Variants in CEP112 observed in about 807,000 individuals in gnomAD.
The protein encoded by CEP112 is centrosomal protein of 112 kDa.
In CEP112, 127 loss-of-function variants were observed where a neutral mutation model predicts 153.0. The ratio of observed to expected loss-of-function variants is 0.83; its 90% CI spans 0.72 to 0.96. The LOEUF (loss-of-function observed/expected upper bound fraction) is 0.96, where lower values mean the gene tolerates loss of function less well. CEP112 is among the 40% of genes least tolerant of loss of function. CEP112 has a pLI of 0.00. For missense variants in CEP112, 1,089 were observed against 1,101.2 expected (o/e 0.99, Z 0.16); for synonymous variants, 358 against 374.4 (o/e 0.96, Z 0.51).
intron 21 of CEP112, among the ~76,000 whole-genome samples, chr17:65,780,026 G>T (rs760362625): frequency 2.6e-4 from 40 of 152,036 alleles, no homozygotes; most frequent in Admixed American, 5.2e-4. Flanking sequence ...TCCTATTTCT[G>T]AATATGTCTA....
chr17:65,891,741 C>G (rs1464009730), intron 20 of CEP112, among the ~76,000 whole-genome samples: 1 of 152,158 alleles, frequency 6.6e-6, no homozygotes, highest in Non-Finnish European at 1.5e-5. Context: ...TCTGCTACTC[C>G]CTGCCCCCTT....
rs567048300 is a variant in CEP112, at chr17:65,635,965, G to A, written c.*6C>T. The A allele has an allele frequency of 4.4e-6, 7 of 1,600,192 alleles. No homozygotes were observed. The highest frequency in any genetic ancestry group is 1.3e-5 in the African/African-American group (1 of 74,938). On this transcript the variant is annotated 3_prime_UTR_variant, in exon 27 of 27. Transcript: ENST00000535342. ...GAAATTGCATCCGTTGCATTCTCTC[G>A]TGCAGTTACCTGTAAACCAAAAATC...
intron 12 of CEP112, among the ~76,000 whole-genome samples, chr17:66,048,201 G>T (rs1353974294): frequency 6.6e-6 from 1 of 151,912 alleles, no homozygotes; most frequent in African/African-American, 2.4e-5. Flanking sequence ...TAAAAGGAAA[G>T]GGCCCAGAAT....
chr17:66,002,206 G>A (rs996448693), intron 17 of CEP112, among the ~76,000 whole-genome samples: 1 of 122,238 alleles, frequency 8.2e-6, no homozygotes, highest in African/African-American at 2.6e-5. Context: ...CAATTGCTTG[G>A]AGAGAGTATA....
At chr17:66,131,723 G>T (rs1007309448) in intron 5 of CEP112, among the ~76,000 whole-genome samples, 23 of 151,970 alleles carry the variant, frequency 1.5e-4, no homozygotes, top group Admixed American at 9.2e-4. Context: ...CTCCAGCCTG[G>T]GCGACAGAGC....
intron 16 of CEP112, among the ~76,000 whole-genome samples, chr17:66,010,505 AGTG>A (rs1465637023): frequency 6.6e-6 from 1 of 152,040 alleles, no homozygotes; most frequent in African/African-American, 2.4e-5. Context: ...GTTAAATAGG[AGTG>A]GTGAAAGAGG....
At chr17:65,669,856 T>C (rs2046889123) in intron 24 of CEP112, among the ~76,000 whole-genome samples, 1 of 147,106 alleles carries the variant, frequency 6.8e-6, no homozygotes, top group African/African-American at 2.5e-5. Context: ...TGAGCCGAGA[T>C]CGCGCCACTG....
chr17:66,039,055 T>C (rs557857583), intron 12 of CEP112, among the ~76,000 whole-genome samples: 8 of 152,026 alleles, frequency 5.3e-5, no homozygotes, highest in African/African-American at 1.9e-4. Flanking sequence ...ATAAGGGAGA[T>C]GAAAAGTGGG....
intron 20 of CEP112, among the ~76,000 whole-genome samples, chr17:65,879,167 C>G (rs1821416786): frequency 6.6e-6 from 1 of 152,176 alleles, no homozygotes; most frequent in Admixed American, 6.5e-5. Flanking sequence ...GGAAATTCCC[C>G]TGAATTATGT....
chr17:66,074,860 T>TA (rs34251281), intron 8 of CEP112, among the ~76,000 whole-genome samples: 86,873 of 95,596 alleles, frequency 0.91, 39,446 homozygotes, highest in East Asian at 0.95. Context: ...AGGCTCTGTC[T>TA]AAAAAAAAAA....
chr17:65,937,589 GGCCA>G (rs2061374664), intron 18 of CEP112, among the ~76,000 whole-genome samples: 1 of 103,662 alleles, frequency 9.6e-6, no homozygotes, highest in Non-Finnish European at 2.0e-5. Context: ...CCCCCCACCC[GGCCA>G]GCCGCCCCGT....
At chr17:66,010,285 C>T (rs892385384) in intron 16 of CEP112, among the ~76,000 whole-genome samples, 1 of 152,086 alleles carries the variant, frequency 6.6e-6, no homozygotes, top group Non-Finnish European at 1.5e-5. Flanking sequence ...TATAAGAATG[C>T]TAGTGATTTT....
chr17:65,727,717 T>C (rs1223419897), intron 23 of CEP112, among the ~76,000 whole-genome samples: 1 of 152,072 alleles, frequency 6.6e-6, no homozygotes, highest in Non-Finnish European at 1.5e-5. Flanking sequence ...GACTCTGAAA[T>C]AGTAGTGCAT....
rs79824322 is a variant in CEP112, at chr17:65,833,895, C to A, written c.2394+17909G>T. Among the ~76,000 whole-genome samples the A allele has an allele frequency of 3.3e-3, 502 of 152,230 alleles. 5 individuals carry two copies. The highest frequency in any genetic ancestry group is 0.01 in the African/African-American group (436 of 41,540). The stretch of plus-strand genomic sequence containing the variant: ...CAAAACAGAGCCTGAATACCCCAAG[C>A]AATCCAAAGTAAAGAGAACAAAGCT... On this transcript the variant is annotated intron_variant, in intron 21 of 26. Coordinates refer to ENST00000535342, the MANE Select transcript of CEP112 (RefSeq NM_001199165.4).
chr17:65,673,752 A>C (rs530256427), intron 24 of CEP112, among the ~76,000 whole-genome samples: 3 of 152,264 alleles, frequency 2.0e-5, no homozygotes, highest in Admixed American at 2.0e-4. Flanking sequence ...AAAAGATAGA[A>C]GGTAATCTTC....
chr17:65,754,563 G>A (rs1045117232), intron 21 of CEP112, among the ~76,000 whole-genome samples: 6 of 152,188 alleles, frequency 3.9e-5, no homozygotes, highest in Non-Finnish European at 7.4e-5. Flanking sequence ...AGCTGAGATC[G>A]TGCCACTGTG....
chr17:65,777,658 T>A (rs957890924), intron 21 of CEP112, among the ~76,000 whole-genome samples: 17 of 152,208 alleles, frequency 1.1e-4, no homozygotes, highest in African/African-American at 4.1e-4. Context: ...ATATTCTTAA[T>A]CTGGAGCTAT....
chr17:66,177,525 A>G (rs2072535379), intron 2 of CEP112, among the ~76,000 whole-genome samples: 1 of 152,220 alleles, frequency 6.6e-6, no homozygotes. Context: ...TAGTCGCATC[A>G]GGATAAATCG....
At chr17:66,020,471 C>T (rs904304856) in intron 16 of CEP112, among the ~76,000 whole-genome samples, 6 of 152,140 alleles carry the variant, frequency 3.9e-5, no homozygotes, top group African/African-American at 1.2e-4. Context: ...TCAACCCCAC[C>T]CCAGTACCTA....
Sources: allele counts gnomAD v4.1 joint callset (sites outside exome capture counted in the v4.1 genomes callset), GRCh38; gene constraint gnomAD v4.1.1; transcripts MANE v1.5; gene names NCBI Gene and HGNC (gene_info 2026-07-23, HGNC 2026-07-21).